The following BRIP1 variants were observed in gnomAD, a reference collection of about 807,000 sequenced individuals.
BRIP1 encodes the protein Fanconi anemia group J protein.
A neutral mutation model predicts 119.7 loss-of-function variants in BRIP1; 88 were observed. That is an observed-to-expected ratio of 0.74 (90% CI 0.62 to 0.88). The LOEUF (loss-of-function observed/expected upper bound fraction) is 0.88. Among genes scored for constraint, BRIP1 ranks in the 40% least tolerant of loss-of-function variants. BRIP1 has a pLI of 0.00. For missense variants in BRIP1, 1,259 were observed against 1,455.4 expected, an observed-to-expected ratio of 0.87 and a Z score of 2.20; for synonymous variants, 443 against 496.5, an observed-to-expected ratio of 0.89 and a Z score of 1.43.
rs786202300 is a variant in BRIP1 at position 61,808,653 on chromosome 17, G to C, written c.732C>G (p.Pro244=). 6.2e-7 allele frequency: 1 copy of C among 1,613,854 alleles called. No homozygotes were observed. The highest frequency in any genetic ancestry group is 8.5e-7 in the Non-Finnish European group (1 of 1,179,874). ...GTGTGCGTGTCCCAAAATATATTTT[G>C]GGTATCTTGGATTTCCCTGTATGAT... ...KKDHTGKSKI[P]KIYFGTRTHK... The change falls in exon 7 of 20, where the codon CCC becomes CCG. Residue 244 remains proline, a synonymous_variant. Coordinates refer to ENST00000259008, the MANE Select transcript of BRIP1 (RefSeq NM_032043.3). The surrounding 1 kb of genome is among the most constrained non-coding windows in gnomAD (Gnocchi z 4.1).
intron 6 of BRIP1, among the ~76,000 whole-genome samples, chr17:61,819,665 A>G (rs1160706538): frequency 5.3e-5 from 8 of 152,160 alleles, no homozygotes; most frequent in African/African-American, 1.4e-4. Context: ...CATTTGTGAG[A>G]GCTAAAAATT....
At chr17:61,787,120 ATATAT>A (rs1250165978) in intron 10 of BRIP1, among the ~76,000 whole-genome samples, 43 of 111,996 alleles carry the variant, frequency 3.8e-4, no homozygotes, top group Non-Finnish European at 4.5e-4. Context: ...TTAATATATA[ATATAT>A]TATATACTAT....
intron 6 of BRIP1, among the ~76,000 whole-genome samples, chr17:61,829,113 T>G (rs1240791530): frequency 6.6e-6 from 1 of 152,098 alleles, no homozygotes; most frequent in Non-Finnish European, 1.5e-5. Flanking sequence ...ATAATTACAC[T>G]GAATGTAAAT....
rs557694033 is a variant in BRIP1 at position 61,773,912 on chromosome 17, T to C, written c.2097+2489A>G. On this transcript the variant is annotated intron_variant, in intron 14 of 19. Coordinates refer to ENST00000259008, the MANE Select transcript of BRIP1 (RefSeq NM_032043.3). ...TACCATCTCACACCAGTTAGAATGG[T>C]GATCATTAAACAGTCAGGAAACAAC... Among the ~76,000 whole-genome samples, 69 of 151,998 alleles carry C rather than the reference T, an allele frequency of 4.5e-4. 3 individuals are homozygous for C. Among genetic ancestry groups the C allele is most frequent in the Non-Finnish European group, 4.9e-4 (33 of 67,986 alleles).
rs2077242428 is a variant in BRIP1 at position 61,759,229 on chromosome 17, A to G, written c.2098-14638T>C. 6.6e-6 allele frequency among the ~76,000 whole-genome samples: 1 copy of G among 152,094 alleles called. No homozygotes were observed. Among genetic ancestry groups the G allele is most frequent in the African/African-American group, 2.4e-5 (1 of 41,440 alleles). On this transcript the variant is annotated intron_variant, in intron 14 of 19. Coordinates refer to ENST00000259008, the MANE Select transcript of BRIP1 (RefSeq NM_032043.3). This position sits in a 1 kb window ranked among gnomAD's most constrained non-coding sequence, Gnocchi z 4.9. ...ACAGAGGCTGAAAGTGAGCAGCTGA[A>G]AAAAGCTATTCAACAAAATGGAAAC... is the stretch of plus-strand genomic sequence containing the variant.
rs553303885 is a variant in BRIP1, at chr17:61,723,646, C to A, written c.2380-7583G>T. Among the ~76,000 whole-genome samples the A allele has an allele frequency of 3.9e-5, 6 of 152,262 alleles. No homozygotes were observed. The South Asian group carries it at 1.2e-3, about 32-fold the overall frequency. On this transcript the variant is annotated intron_variant, in intron 16 of 19. Transcript: ENST00000259008. ...CTCAAGTGTGGTTTGGGAAGATGAT[C>A]TTTTAGATCAGTTAACATTACTTTT...
rs762102648 is a variant in BRIP1, at chr17:61,716,092, T to C, written c.2380-29A>G. On this transcript the variant is annotated intron_variant, in intron 16 of 19. Coordinates refer to ENST00000259008, the MANE Select transcript of BRIP1 (RefSeq NM_032043.3). Reference sequence around the variant, plus strand: ...ATAATTTTAAAATATATTTAAAAAATTAGTAGATAATTAAAGCTCATTTTA... The same window carrying C: ...ATAATTTTAAAATATATTTAAAAAACTAGTAGATAATTAAAGCTCATTTTA... The C allele has an allele frequency of 3.8e-6, 5 of 1,320,696 alleles. No homozygotes were observed. In the African/African-American group the frequency reaches 5.9e-5, roughly 16 times the overall value. 81.8% of individuals were successfully genotyped at this position (1,320,696 alleles called of 1,614,324 possible).
chr17:61,715,610 A>C (rs1457934055), intron 17 of BRIP1, among the ~76,000 whole-genome samples: 1 of 152,158 alleles, frequency 6.6e-6, no homozygotes, highest in Non-Finnish European at 1.5e-5. Context: ...TTTATCTATA[A>C]AATTGTTATC....
At position 61,720,458 on chromosome 17, in the gene BRIP1, C is replaced by T. The variant is rs183922485; in HGVS notation, c.2380-4395G>A. Among the ~76,000 whole-genome samples the T allele has an allele frequency of 4.7e-4, 72 of 152,290 alleles. No individual in the cohort carries two copies. The highest frequency in any genetic ancestry group is 1.6e-3 in the African/African-American group (67 of 41,572). On this transcript the variant is annotated intron_variant, in intron 16 of 19. Coordinates refer to ENST00000259008, the MANE Select transcript of BRIP1 (RefSeq NM_032043.3). The surrounding 1 kb of genome is among the most constrained non-coding windows in gnomAD (Gnocchi z 4.3). ...ATTTTAGGCTTTCAAGATATATTAACAAAACTTATACAGCAGTTCCCTCTT... is the reference window on the plus strand; with the variant it reads ...ATTTTAGGCTTTCAAGATATATTAATAAAACTTATACAGCAGTTCCCTCTT...
In BRIP1 at chr17:61,695,216, C is replaced by G. The variant is rs2061503445; in HGVS notation, c.2493-1704G>C. On this transcript the variant is annotated intron_variant, in intron 17 of 19. Coordinates refer to ENST00000259008, the MANE Select transcript of BRIP1 (RefSeq NM_032043.3). This position sits in a 1 kb window ranked among gnomAD's most constrained non-coding sequence, Gnocchi z 4.3. ...TAATTTCATTATTTGCACAGATATC[C>G]AGTTGTCCCAACACCATCTGTTGAA... Among the ~76,000 whole-genome samples, 2 of 151,992 alleles carry G rather than the reference C, an allele frequency of 1.3e-5. No individual in the cohort carries two copies. The highest frequency in any genetic ancestry group is 1.3e-4 in the Admixed American group (2 of 15,256).
At chr17:61,721,118 A>G (rs1256089701) in intron 16 of BRIP1, among the ~76,000 whole-genome samples, 2 of 152,076 alleles carry the variant, frequency 1.3e-5, no homozygotes, top group African/African-American at 4.8e-5. Context: ...CTGGGATTAC[A>G]GGCGTGAGCC....
intron 18 of BRIP1, among the ~76,000 whole-genome samples, chr17:61,688,696 G>T (rs1018538397): frequency 7.0e-6 from 1 of 141,894 alleles, no homozygotes; most frequent in African/African-American, 2.6e-5. Context: ...GAAACATAAA[G>T]AAACAGGAAA....
intron 14 of BRIP1, among the ~76,000 whole-genome samples, chr17:61,766,955 T>G (rs2077382218): frequency 6.6e-6 from 1 of 151,788 alleles, no homozygotes; most frequent in Non-Finnish European, 1.5e-5. Flanking sequence ...TTTCAGAGAG[T>G]TCTAAAGCAA....
At position 61,753,083 on chromosome 17, in the gene BRIP1, G is replaced by T. The variant is rs2077153304; in HGVS notation, c.2098-8492C>A. Among the ~76,000 whole-genome samples, 1 of 152,040 alleles carries T rather than the reference G, an allele frequency of 6.6e-6. No individual in the cohort carries two copies. Among genetic ancestry groups the T allele is most frequent in the Non-Finnish European group, 1.5e-5 (1 of 68,006 alleles). On this transcript the variant is annotated intron_variant, in intron 14 of 19. Coordinates refer to ENST00000259008, the MANE Select transcript of BRIP1 (RefSeq NM_032043.3). The surrounding 1 kb of genome is among the most constrained non-coding windows in gnomAD (Gnocchi z 4.6). ...TATTAATGGCTTATCATGGGAGTGG[G>T]ACTAGTGGCTTTATACAAAAAGGAA...
chr17:61,726,205 CTTAGAA>C lies in BRIP1; in HGVS notation c.2380-10148_2380-10143del, dbSNP rs2076764477. On this transcript the variant is annotated intron_variant, in intron 16 of 19. Transcript: ENST00000259008. This position sits in a 1 kb window ranked among gnomAD's most constrained non-coding sequence, Gnocchi z 6.2. Reference sequence around the variant, plus strand: ...CAATTTCTTCGTCTGTAAGAAGGGGCTTAGAATTAGAAGTCTCTTAGCTTTATTGAA... The same window carrying C: ...CAATTTCTTCGTCTGTAAGAAGGGGCTTAGAAGTCTCTTAGCTTTATTGAA... Among the ~76,000 whole-genome samples, 1 of 152,122 alleles carries C rather than the reference CTTAGAA, an allele frequency of 6.6e-6. No individual in the cohort carries two copies. The highest frequency in any genetic ancestry group is 2.4e-5 in the African/African-American group (1 of 41,412).
rs1013326081 is a variant in BRIP1 at position 61,759,985 on chromosome 17, A to T, written c.2098-15394T>A. On this transcript the variant is annotated intron_variant, in intron 14 of 19. Coordinates refer to ENST00000259008, the MANE Select transcript of BRIP1 (RefSeq NM_032043.3). This position sits in a 1 kb window ranked among gnomAD's most constrained non-coding sequence, Gnocchi z 4.9. ...AGAATATCCCATTCAAGAGCAACAG[A>T]ATACACATTCTTCTCAAATACCATA... 6.6e-6 allele frequency among the ~76,000 whole-genome samples: 1 copy of T among 152,046 alleles called. No individual in the cohort carries two copies. The highest frequency in any genetic ancestry group is 1.9e-4 in the East Asian group (1 of 5,200).
intron 6 of BRIP1, among the ~76,000 whole-genome samples, chr17:61,819,410 C>T (rs1264597176): frequency 1.3e-5 from 2 of 152,084 alleles, no homozygotes; most frequent in East Asian, 1.9e-4. Flanking sequence ...ATCAGTATAT[C>T]GAGGAGATAT....
In BRIP1 at chr17:61,805,032, TAATA is replaced by T. The variant is rs2078054507; in HGVS notation, c.918+3431_918+3434del. 6.6e-6 allele frequency among the ~76,000 whole-genome samples: 1 copy of T among 151,320 alleles called. No homozygotes were observed. The highest frequency in any genetic ancestry group is 1.5e-5 in the Non-Finnish European group (1 of 67,862). ...TAAATTGTATTTGTATACGTCTGTA[TAATA>T]AATTAAATTGTATATATATACACAC... On this transcript the variant is annotated intron_variant, in intron 7 of 19. Transcript: ENST00000259008. This position sits in a 1 kb window ranked among gnomAD's most constrained non-coding sequence, Gnocchi z 5.6.
intron 10 of BRIP1, among the ~76,000 whole-genome samples, chr17:61,792,289 C>G (rs1430303905): frequency 1.3e-5 from 2 of 152,154 alleles, no homozygotes; most frequent in Non-Finnish European, 2.9e-5. Flanking sequence ...TCTTGCAAAG[C>G]TAAACACAGT....
Sources: gnomAD v4.1 joint callset for allele counts (sites outside exome capture counted in the v4.1 genomes callset) on GRCh38, gnomAD v4.1.1 for gene constraint, Gnocchi (gnomAD v3.1) non-coding constraint, MANE v1.5 for transcripts, NCBI Gene and HGNC (gene_info 2026-07-23, HGNC 2026-07-21) for gene names.